DENND4A: variants seen among roughly 807,000 people sequenced by gnomAD.
The protein encoded by DENND4A is C-myc promoter-binding protein.
Under a neutral mutation model 199.3 loss-of-function variants are expected in DENND4A, and 70 were observed. That is an observed-to-expected ratio of 0.35 (90% CI 0.29 to 0.43). The LOEUF (loss-of-function observed/expected upper bound fraction) is 0.43, where lower values mean the gene tolerates loss of function less well. DENND4A is among the 20% of genes least tolerant of loss of function. The pLI, the probability that DENND4A is intolerant of heterozygous loss-of-function variation, is 1.00. For synonymous variants in DENND4A, 686 were observed against 766.9 expected, an observed-to-expected ratio of 0.89 and a Z score of 1.74; for missense variants, 1,723 against 2,255.8, an observed-to-expected ratio of 0.76 and a Z score of 4.78.
Position 65,697,251 on chromosome 15 carries a change from C to T in DENND4A, c.2950+16G>A, listed in dbSNP as rs1027714627. ...AGTTCTCAATTTTATACAATATCAA[C>T]TTAAACAATACCTACAGGAACTACA... On this transcript the variant is annotated intron_variant, in intron 21 of 32. Coordinates refer to ENST00000443035, the MANE Select transcript of DENND4A (RefSeq NM_001320835.1). 8 of 1,450,298 alleles carry T rather than the reference C, an allele frequency of 5.5e-6. No homozygotes were observed. Among genetic ancestry groups the T allele is most frequent in the Admixed American group, 2.0e-5 (1 of 51,234 alleles). The allele number at this position is 1,450,298 out of a possible 1,614,324, so 89.8% of individuals were successfully genotyped here. A position where few individuals can be genotyped will look rare whatever the true frequency, so the allele number is the denominator to read the frequency against.
chr15:65,729,155 T>C lies in DENND4A; in HGVS notation c.1404A>G (p.Val468=). 6.3e-7 allele frequency: 1 copy of C among 1,591,234 alleles called. No individual in the cohort carries two copies. Among genetic ancestry groups the C allele is most frequent in the Non-Finnish European group, 8.6e-7 (1 of 1,167,752 alleles). The stretch of plus-strand genomic sequence containing the variant: ...GATCAAAGTATCTTGAATCAATCCC[T>C]ACTATGAATGGACATGGTGCACTCA... ...DVLSAPCPFI[V]GIDSRYFDLY... Residue 468 remains valine (V), a synonymous_variant, in exon 11 of 33, where the codon GTA becomes GTG. Transcript: ENST00000443035.
chr15:65,733,846 T>C (rs1047291799), intron 7 of DENND4A, among the ~76,000 whole-genome samples: 1 of 152,182 alleles, frequency 6.6e-6, no homozygotes, highest in Non-Finnish European at 1.5e-5. Context: ...AGATTAAGGG[T>C]TGTGCAAGAT....
chr15:65,758,315 T>C (rs985209279), intron 2 of DENND4A, among the ~76,000 whole-genome samples: 5 of 152,218 alleles, frequency 3.3e-5, no homozygotes, highest in African/African-American at 7.2e-5. Flanking sequence ...ATTTTATTTA[T>C]GTATTTATTT....
intron 7 of DENND4A, among the ~76,000 whole-genome samples, chr15:65,736,807 A>G (rs1567060853): frequency 6.6e-6 from 1 of 152,170 alleles, no homozygotes; most frequent in African/African-American, 2.4e-5. Context: ...CAGACCATAT[A>G]TGGAAGCCCA....
intron 11 of DENND4A, chr15:65,728,853 G>A (rs1198088496): frequency 1.8e-6 from 1 of 556,010 alleles, no homozygotes; most frequent in East Asian, 3.4e-5. Flanking sequence ...AAAGCCTGAG[G>A]ATGAAAGGTA....
intron 11 of DENND4A, 91 bp downstream of exon 11, chr15:65,728,981 G>T: frequency 7.9e-7 from 1 of 1,262,276 alleles, no homozygotes; most frequent in Non-Finnish European, 1.1e-6. Context: ...TATCTTAAAA[G>T]AATCCTACTT....
intron 1 of DENND4A, among the ~76,000 whole-genome samples, chr15:65,765,244 T>C (rs1338958259): frequency 2.6e-5 from 4 of 152,198 alleles, no homozygotes; most frequent in Non-Finnish European, 5.9e-5. Flanking sequence ...TGCCTTACTT[T>C]CTATACATGC....
chr15:65,745,599 T>TA (rs1428246192), intron 4 of DENND4A, among the ~76,000 whole-genome samples: 3 of 151,984 alleles, frequency 2.0e-5, no homozygotes, highest in Admixed American at 1.3e-4. Context: ...ATCAAATGGA[T>TA]AAAAAAAATT....
intron 23 of DENND4A, among the ~76,000 whole-genome samples, chr15:65,684,064 C>T (rs559154426): frequency 1.8e-4 from 28 of 152,284 alleles, no homozygotes; most frequent in African/African-American, 5.8e-4. Context: ...ATCAGTATTT[C>T]GTTCTTTTGT....
intron 29 of DENND4A, among the ~76,000 whole-genome samples, chr15:65,665,791 G>A (rs1222208993): frequency 2.0e-5 from 3 of 152,044 alleles, no homozygotes; most frequent in Non-Finnish European, 2.9e-5. Flanking sequence ...CAACACCCTG[G>A]CCCAGATAAC....
intron 32 of DENND4A, among the ~76,000 whole-genome samples, chr15:65,662,575 G>A (rs1240150829): frequency 3.9e-5 from 6 of 152,106 alleles, no homozygotes; most frequent in Non-Finnish European, 8.8e-5. Flanking sequence ...TTCCCCAGAA[G>A]ATAGTCCACA....
intron 23 of DENND4A, among the ~76,000 whole-genome samples, chr15:65,685,820 T>C (rs143552013): frequency 6.4e-4 from 98 of 152,360 alleles, no homozygotes; most frequent in African/African-American, 2.0e-3. Flanking sequence ...GGCATCTTTA[T>C]TGAAATTTAA....
At chr15:65,720,077 C>CTGGA (rs2075563482) in intron 12 of DENND4A, among the ~76,000 whole-genome samples, 1 of 152,122 alleles carries the variant, frequency 6.6e-6, no homozygotes, top group African/African-American at 2.4e-5. Flanking sequence ...TGATTTGGAA[C>CTGGA]TGGATCCTTT....
rs1439537819 is a variant in DENND4A at position 65,729,184 on chromosome 15, C to T, written c.1375G>A (p.Val459Ile). 9 of 1,589,028 alleles carry T rather than the reference C, an allele frequency of 5.7e-6. No homozygotes were observed. Among genetic ancestry groups the T allele is most frequent in the Non-Finnish European group, 7.7e-6 (9 of 1,166,688 alleles). ...ATGAATGGACATGGTGCACTCAAGA[C>T]ATCTGCTAAAGCCAGTGGGCAGAGA... ...VPLCPLALAD[V>I]LSAPCPFIVG... The change falls in exon 11 of 33, where the codon GTC becomes ATC. Residue 459 changes from valine to isoleucine, a missense_variant. Val to Ile is a conservative substitution (Grantham distance 29, BLOSUM62 3). Transcript: ENST00000443035.
chr15:65,760,663 C>T (rs567008686), intron 2 of DENND4A, among the ~76,000 whole-genome samples: 22 of 152,150 alleles, frequency 1.4e-4, no homozygotes, highest in African/African-American at 5.1e-4. Context: ...CCGAGATGGG[C>T]AGATCACTTG....
intron 1 of DENND4A, among the ~76,000 whole-genome samples, chr15:65,781,500 T>A (rs557852435): frequency 2.0e-5 from 3 of 152,192 alleles, no homozygotes; most frequent in African/African-American, 7.2e-5. Flanking sequence ...TCAAAAAATA[T>A]TTAGGAGATA....
intron 20 of DENND4A, among the ~76,000 whole-genome samples, chr15:65,700,143 C>T (rs2074812749): frequency 6.6e-6 from 1 of 151,992 alleles, no homozygotes; most frequent in South Asian, 2.1e-4. Context: ...ATTGTCAAAA[C>T]CAGGAAACTG....
intron 14 of DENND4A, among the ~76,000 whole-genome samples, chr15:65,709,715 A>ATATATAT (rs1198607677): frequency 9.3e-6 from 1 of 107,658 alleles, no homozygotes; most frequent in Admixed American, 9.3e-5. Context: ...AAAAAAAAAA[A>ATATATAT]AAAAATATAT....
At position 65,732,272 on chromosome 15, in the gene DENND4A, C is replaced by T. The variant is rs2075981728; in HGVS notation, c.1107+480G>A. Among the ~76,000 whole-genome samples the T allele has an allele frequency of 1.3e-5, 2 of 152,060 alleles. 1 individual carries two copies. Among genetic ancestry groups the T allele is most frequent in the South Asian group, 4.1e-4 (2 of 4,834 alleles). Reference sequence around the variant, plus strand: ...ACTGAATGTGTTATGTATATTCTTACACTACATTCCAGGAAACAAGACAGA... The same window carrying T: ...ACTGAATGTGTTATGTATATTCTTATACTACATTCCAGGAAACAAGACAGA... On this transcript the variant is annotated intron_variant, in intron 8 of 32. Coordinates refer to ENST00000443035, the MANE Select transcript of DENND4A (RefSeq NM_001320835.1).
Sources: allele counts gnomAD v4.1 joint callset (sites outside exome capture counted in the v4.1 genomes callset), GRCh38; gene constraint gnomAD v4.1.1; transcripts MANE v1.5; gene names NCBI Gene and HGNC (gene_info 2026-07-23, HGNC 2026-07-21).